NTN1: variants seen among roughly 807,000 people sequenced by gnomAD.
NTN1 encodes netrin 1.
NTN1 carries 11 observed loss-of-function variants against 54.2 expected under a neutral mutation model. The ratio of observed to expected loss-of-function variants is 0.20; its 90% CI spans 0.13 to 0.34. NTN1 has a LOEUF of 0.34. NTN1 is among the 10% of genes least tolerant of loss of function. The pLI is 1.00. For missense variants in NTN1, 740 were observed against 893.1 expected, an observed-to-expected ratio of 0.83 and a Z score of 2.18; for synonymous variants, 371 against 382.0, an observed-to-expected ratio of 0.97 and a Z score of 0.33.
At chr17:9,203,201 G>A (rs1281806383) in intron 5 of NTN1, among the ~76,000 whole-genome samples, 1 of 152,138 alleles carries the variant, frequency 6.6e-6, no homozygotes, top group Admixed American at 6.5e-5. Flanking sequence ...GATTACAGGT[G>A]TGAGCCACCA....
chr17:9,041,438 C>A (rs566596411), intron 2 of NTN1, among the ~76,000 whole-genome samples: 1 of 152,174 alleles, frequency 6.6e-6, no homozygotes, highest in Non-Finnish European at 1.5e-5. Flanking sequence ...AATAGAATCA[C>A]GTAACATATG....
intron 3 of NTN1, among the ~76,000 whole-genome samples, chr17:9,172,114 C>G (rs532051212): frequency 2.6e-3 from 392 of 152,108 alleles, no homozygotes; most frequent in Non-Finnish European, 4.9e-3. Flanking sequence ...TCTCGAACTC[C>G]CAACCTCAGG....
At chr17:9,230,927 T>C (rs189523260) in intron 6 of NTN1, among the ~76,000 whole-genome samples, 13 of 152,094 alleles carry the variant, frequency 8.5e-5, no homozygotes, top group Non-Finnish European at 1.3e-4. Flanking sequence ...TGATGAACAG[T>C]ATCTCCTGCC....
chr17:9,053,442 G>T (rs924918984), intron 2 of NTN1, among the ~76,000 whole-genome samples: 1 of 152,218 alleles, frequency 6.6e-6, no homozygotes, highest in Non-Finnish European at 1.5e-5. Context: ...GAAAATCACT[G>T]CATTCCCTTG....
chr17:9,097,930 T>C (rs1252566819), intron 2 of NTN1, among the ~76,000 whole-genome samples: 1 of 152,072 alleles, frequency 6.6e-6, no homozygotes, highest in East Asian at 1.9e-4. Flanking sequence ...TTTGAGAATT[T>C]TCTGCTCCTA....
chr17:9,140,131 G>A (rs2092293420), intron 2 of NTN1, among the ~76,000 whole-genome samples: 1 of 151,888 alleles, frequency 6.6e-6, no homozygotes, highest in Admixed American at 6.5e-5. Flanking sequence ...CCACTCTGAA[G>A]AGTTGAAGCC....
intron 2 of NTN1, among the ~76,000 whole-genome samples, chr17:9,049,569 A>G (rs2091953045): frequency 6.6e-6 from 1 of 152,242 alleles, no homozygotes; most frequent in African/African-American, 2.4e-5. Flanking sequence ...TTTAATTTTG[A>G]GGAAATACGA....
chr17:9,009,358 G>A, the NTN1 span, among the ~76,000 whole-genome samples: 1 of 152,206 alleles, frequency 6.6e-6, no homozygotes, highest in African/African-American at 2.4e-5. Context: ...AGGCTAGGAA[G>A]TGGCTCCCTG....
At chr17:9,140,964 G>A (rs866335502) in intron 2 of NTN1, among the ~76,000 whole-genome samples, 6 of 152,150 alleles carry the variant, frequency 3.9e-5, no homozygotes, top group African/African-American at 7.2e-5. Flanking sequence ...GGGAGTGGGC[G>A]GTGACAGTGG....
chr17:9,166,181 CA>C, intron 3 of NTN1, among the ~76,000 whole-genome samples: 1 of 144,840 alleles, frequency 6.9e-6, no homozygotes, highest in African/African-American at 2.6e-5. Flanking sequence ...CCACCACCAC[CA>C]CCACCACCAC....
At chr17:9,072,915 C>T (rs560397523) in intron 2 of NTN1, among the ~76,000 whole-genome samples, 41 of 152,176 alleles carry the variant, frequency 2.7e-4, no homozygotes, top group Non-Finnish European at 5.3e-4. Context: ...CGGAATGGGA[C>T]TGTTTACTTT....
chr17:9,210,272 G>A (rs1380044430), intron 5 of NTN1, among the ~76,000 whole-genome samples: 4 of 152,094 alleles, frequency 2.6e-5, no homozygotes, highest in African/African-American at 4.8e-5. Context: ...CCTTTGCACC[G>A]TTTAGGTCTT....
intron 2 of NTN1, among the ~76,000 whole-genome samples, chr17:9,115,788 G>A (rs1026027227): frequency 6.6e-6 from 1 of 152,242 alleles, no homozygotes; most frequent in Admixed American, 6.5e-5. Context: ...AGCCTTGGAT[G>A]GGGCTTGCTG....
intron 2 of NTN1, among the ~76,000 whole-genome samples, chr17:9,117,169 C>T (rs968172425): frequency 6.6e-6 from 1 of 152,054 alleles, no homozygotes; most frequent in Non-Finnish European, 1.5e-5. Flanking sequence ...GGAAACAGCG[C>T]GTGAATAGAG....
chr17:9,089,465 A>G (rs1241777742), intron 2 of NTN1, among the ~76,000 whole-genome samples: 1 of 152,024 alleles, frequency 6.6e-6, no homozygotes, highest in Non-Finnish European at 1.5e-5. Flanking sequence ...TCCAATTTCT[A>G]CTTTTTATAC....
At chr17:9,214,524 T>TA (rs1037445467) in intron 5 of NTN1, among the ~76,000 whole-genome samples, 23 of 152,230 alleles carry the variant, frequency 1.5e-4, no homozygotes, top group Admixed American at 1.0e-3. Context: ...TGTGAGCTCT[T>TA]AAAAAAAATC....
intron 2 of NTN1, among the ~76,000 whole-genome samples, chr17:9,131,765 AGAGAC>A (rs1597499550): frequency 1.3e-5 from 2 of 150,844 alleles, no homozygotes; most frequent in East Asian, 3.9e-4. Flanking sequence ...TATTTTTAGT[AGAGAC>A]AGGGTTTCGC....
chr17:9,193,504 T>A (rs1904523403), intron 5 of NTN1, among the ~76,000 whole-genome samples: 1 of 152,216 alleles, frequency 6.6e-6, no homozygotes, highest in Non-Finnish European at 1.5e-5. Flanking sequence ...TCAATGTCAT[T>A]ATTATACCTC....
Position 9,022,697 on chromosome 17 carries a change from C to T in NTN1, c.324C>T (p.Leu108=). 2 of 1,596,154 alleles carry T rather than the reference C, an allele frequency of 1.3e-6. No individual in the cohort carries two copies. The highest frequency in any genetic ancestry group is 2.3e-5 in the South Asian group (2 of 88,510). The change falls in exon 2 of 7, where the codon CTC becomes CTT. Residue 108 remains leucine, a synonymous_variant. Coordinates refer to ENST00000173229, the MANE Select transcript of NTN1 (RefSeq NM_004822.3). ...AGAAGGCGCACCCGCCCGCCTTCCT[C>T]ACCGACCTCAACAACCCGCACAACC... ...DPKKAHPPAF[L]TDLNNPHNLT...
Sources: allele counts gnomAD v4.1 joint callset (sites outside exome capture counted in the v4.1 genomes callset), GRCh38; gene constraint gnomAD v4.1.1; transcripts MANE v1.5; gene names NCBI Gene and HGNC (gene_info 2026-07-23, HGNC 2026-07-21).